The following CABIN1 variants were observed in gnomAD, a reference collection of about 807,000 sequenced individuals.
CABIN1 encodes the protein calcineurin-binding protein cabin-1.
Under a neutral mutation model 227.7 loss-of-function variants are expected in CABIN1, and 133 were observed. That is an observed-to-expected ratio of 0.58 (90% confidence interval 0.51 to 0.67). The LOEUF is 0.67. Among genes scored for constraint, CABIN1 ranks in the 30% least tolerant of loss-of-function variants. The probability of loss-of-function intolerance (pLI) is 0.00; values close to 1 mark genes in which losing one functional copy is unlikely to be tolerated. For synonymous variants in CABIN1, 1,086 were observed against 1,155.1 expected (o/e 0.94, Z 1.21); for missense variants, 2,408 against 2,852.5 (o/e 0.84, Z 3.55).
At chr22:24,057,860 A>T (rs949320916) in intron 10 of CABIN1, among the ~76,000 whole-genome samples, 1 of 152,142 alleles carries the variant, frequency 6.6e-6, no homozygotes. Flanking sequence ...GAACTGCAGG[A>T]TTGTTCTTTG....
chr22:24,012,156 G>A (rs906670634), intron 1 of CABIN1, among the ~76,000 whole-genome samples: 9 of 152,172 alleles, frequency 5.9e-5, no homozygotes, highest in Non-Finnish European at 8.8e-5. Context: ...CATAATAGTA[G>A]TTTAGGCTTG....
intron 14 of CABIN1, 62 bp from the exon 15 acceptor site, chr22:24,063,973 C>A: frequency 6.2e-7 from 1 of 1,603,652 alleles, no homozygotes; most frequent in Non-Finnish European, 8.5e-7. Flanking sequence ...TGGTGTAAAG[C>A]ATCTGGCACA....
intron 22 of CABIN1, 131 bp downstream of exon 22, chr22:24,085,282 G>T: frequency 1.0e-6 from 1 of 999,702 alleles, no homozygotes; most frequent in Non-Finnish European, 1.5e-6. Flanking sequence ...AACGGAATGA[G>T]AGGGTGGTTT....
chr22:24,076,250 G>A lies in CABIN1; in HGVS notation c.2714G>A (p.Cys905Tyr). 1 of 1,614,174 alleles carries A rather than the reference G, an allele frequency of 6.2e-7. No homozygotes were observed. The highest frequency in any genetic ancestry group is 8.5e-7 in the Non-Finnish European group (1 of 1,180,022). Residue 905 changes from cysteine (C) to tyrosine (Y), a missense_variant, in exon 19 of 37, where the codon TGC (cysteine) becomes TAC (tyrosine). Transcript: ENST00000263119. Reference protein sequence around the residue: ...AHEYLGRRSWCCNSDGALLRF... With the variant: ...AHEYLGRRSWYCNSDGALLRF... ...GAGTATTTGGGCAGAAGGTCCTGGT[G>A]CTGCAATTCAGATGGGGCTCTGCTG... is the stretch of plus-strand genomic sequence containing the variant.
In CABIN1 at chr22:24,063,236, ATGTGTG is replaced by A. The variant is rs145495810; in HGVS notation, c.1884+107_1884+112del. ...GACCATGTTGAGGGTGTGTGTGTGT[ATGTGTG>A]TGTGTGTGTGTGTGTGCATGCATGT... On this transcript the variant is annotated intron_variant, in intron 14 of 36. Transcript: ENST00000263119. 201 of 1,109,782 alleles carry A rather than the reference ATGTGTG, an allele frequency of 1.8e-4. 1 individual carries two copies. In the African/African-American group the frequency reaches 2.0e-3, roughly 11 times the overall value. The allele number at this position is 1,109,782 out of a possible 1,614,324, so 68.7% of individuals were successfully genotyped here.
chr22:24,096,121 C>G (rs752113578), intron 25 of CABIN1, 39 bp downstream of exon 25: 1 of 1,610,024 alleles, frequency 6.2e-7, no homozygotes, highest in Non-Finnish European at 8.5e-7. Context: ...GCAGCTTACC[C>G]CATCTGCATC....
intron 15 of CABIN1, among the ~76,000 whole-genome samples, chr22:24,066,239 C>G (rs1292064848): frequency 1.3e-5 from 2 of 152,156 alleles, no homozygotes; most frequent in African/African-American, 4.8e-5. Flanking sequence ...ACTGCAGATC[C>G]TTGGTGGAAA....
chr22:24,068,543 G>A (rs1223907910), intron 16 of CABIN1, among the ~76,000 whole-genome samples: 1 of 152,278 alleles, frequency 6.6e-6, no homozygotes, highest in Non-Finnish European at 1.5e-5. Context: ...TAAGGGCTGT[G>A]CTTGAGGTCG....
At chr22:24,175,806 G>C in intron 34 of CABIN1, 1 of 507,230 alleles carries the variant, frequency 2.0e-6, no homozygotes, top group East Asian at 3.6e-5. Flanking sequence ...CTTGTGATGG[G>C]ATCTTAAGAG....
chr22:24,156,349 C>G (rs977482711), intron 29 of CABIN1, among the ~76,000 whole-genome samples: 12 of 152,012 alleles, frequency 7.9e-5, no homozygotes, highest in African/African-American at 2.7e-4. Flanking sequence ...CGGGCTGGCA[C>G]CCGGTTCAGC....
At position 24,177,486 on chromosome 22, in the gene CABIN1, G is replaced by A; in HGVS notation, c.6206-18G>A. The A allele has an allele frequency of 6.6e-7, 1 of 1,518,672 alleles. No individual in the cohort carries two copies. The highest frequency in any genetic ancestry group is 8.8e-7 in the Non-Finnish European group (1 of 1,134,380). 94.1% of individuals were successfully genotyped at this position (1,518,672 alleles called of 1,614,324 possible). The stretch of plus-strand genomic sequence containing the variant: ...GATGCGGCAGGCAGGAAGTGCTCTT[G>A]GTACCTTTGTCTTCCAGAGGGGAAA... On this transcript the variant is annotated intron_variant, in intron 35 of 36. Coordinates refer to ENST00000263119, the MANE Select transcript of CABIN1 (RefSeq NM_012295.4). The surrounding 1 kb of genome is among the most constrained non-coding windows in gnomAD (Gnocchi z 4.4).
At chr22:24,165,177 A>G (rs1000856309) in intron 30 of CABIN1, among the ~76,000 whole-genome samples, 2 of 152,202 alleles carry the variant, frequency 1.3e-5, no homozygotes, top group Non-Finnish European at 2.9e-5. Context: ...TCACTCACCT[A>G]CCACTTGCCA....
intron 19 of CABIN1, among the ~76,000 whole-genome samples, chr22:24,082,014 G>A (rs551273553): frequency 2.0e-5 from 3 of 151,956 alleles, no homozygotes; most frequent in South Asian, 2.1e-4. Flanking sequence ...GCGACGGAGC[G>A]AGACTCCATC....
chr22:24,106,568 C>A (rs763022369), intron 26 of CABIN1, among the ~76,000 whole-genome samples: 2 of 152,258 alleles, frequency 1.3e-5, no homozygotes, highest in Non-Finnish European at 2.9e-5. Context: ...ACTCACCCAG[C>A]CCCTGGGCTG....
intron 29 of CABIN1, among the ~76,000 whole-genome samples, chr22:24,154,583 C>T (rs1220294311): frequency 6.6e-6 from 1 of 152,218 alleles, no homozygotes. Context: ...CATTGTGACT[C>T]CCCTGCAAGT....
intron 17 of CABIN1, among the ~76,000 whole-genome samples, chr22:24,072,133 C>T (rs2040131332): frequency 6.6e-6 from 1 of 152,202 alleles, no homozygotes; most frequent in Admixed American, 6.5e-5. Context: ...TCAGTAACTG[C>T]ATGTGGCATG....
intron 33 of CABIN1, among the ~76,000 whole-genome samples, chr22:24,170,752 GC>G (rs71320752): frequency 0.025 from 2,932 of 116,180 alleles, 124 homozygotes; most frequent in African/African-American, 0.083. Flanking sequence ...GTAGCAAACT[GC>G]CCCCCCCCCC....
intron 1 of CABIN1, among the ~76,000 whole-genome samples, chr22:24,031,317 G>A (rs939876599): frequency 6.6e-6 from 1 of 152,184 alleles, no homozygotes; most frequent in Non-Finnish European, 1.5e-5. Context: ...GTGTGACATG[G>A]GGAATCCCAG....
intron 19 of CABIN1, among the ~76,000 whole-genome samples, 163 bp from the exon 20 acceptor site, chr22:24,083,065 A>G (rs1317689767): frequency 2.0e-5 from 3 of 152,220 alleles, no homozygotes; most frequent in Non-Finnish European, 4.4e-5. Flanking sequence ...AGACTTTTCC[A>G]GGAAACAGGT....
Sources: allele counts gnomAD v4.1 joint callset (sites outside exome capture counted in the v4.1 genomes callset), GRCh38; gene constraint gnomAD v4.1.1; non-coding constraint Gnocchi (gnomAD v3.1); transcripts MANE v1.5; gene names NCBI Gene and HGNC (gene_info 2026-07-23, HGNC 2026-07-21).